The following MTM1 variants were observed in gnomAD, a reference collection of about 807,000 sequenced individuals.
The protein encoded by MTM1 is myotubularin.
In MTM1, 9 loss-of-function variants were observed where a neutral mutation model predicts 52.1. That is an observed-to-expected ratio of 0.17 (90% CI 0.10 to 0.30). MTM1 has a LOEUF of 0.30. Among genes scored for constraint, MTM1 ranks in the 10% least tolerant of loss-of-function variants. The probability of loss-of-function intolerance (pLI) is 1.00; values close to 1 mark genes in which losing one functional copy is unlikely to be tolerated. For synonymous variants in MTM1, 136 were observed against 163.8 expected (o/e 0.83, Z 1.29); for missense variants, 277 against 470.7 (o/e 0.59, Z 3.81).
At chrX:150,654,272 A>T (rs1307612803) in intron 10 of MTM1, among the ~76,000 whole-genome samples, 1 of 111,608 alleles carries the variant, frequency 9.0e-6, no homozygotes, top group Non-Finnish European at 1.9e-5. Context: ...TCCTTTTTAT[A>T]TTATAAGTGA....
intron 1 of MTM1, among the ~76,000 whole-genome samples, chrX:150,583,493 T>G (rs1177494700): frequency 3.3e-5 from 1 of 30,641 alleles, no homozygotes; most frequent in East Asian, 1.4e-3. Flanking sequence ...ATATTATATA[T>G]AAATTATAAA....
rs1427177129 is a variant in MTM1, at chrX:150,583,180, AAT to A, written c.-10-9417_-10-9416del. Among the ~76,000 whole-genome samples the A allele has an allele frequency of 2.4e-4, 18 of 75,109 alleles. No homozygotes were observed. The South Asian group carries it at 5.7e-3, about 24-fold the overall frequency. The allele number at this position is 75,109 out of a possible 115,157, so 65.2% of individuals were successfully genotyped here. ...AATTATATATATTATATAAATTATAAATATATATAAATTATATATAAATTATA... is the reference window on the plus strand; with the variant it reads ...AATTATATATATTATATAAATTATAAATATATAAATTATATATAAATTATA... On this transcript the variant is annotated intron_variant, in intron 1 of 14. Transcript: ENST00000370396.
chrX:150,645,178 C>T (rs1248347307), intron 8 of MTM1, among the ~76,000 whole-genome samples: 1 of 111,456 alleles, frequency 9.0e-6, no homozygotes, highest in African/African-American at 3.3e-5. Flanking sequence ...GCTCTTTGGG[C>T]TGTCCTGAGA....
intron 12 of MTM1, 115 bp from the exon 13 acceptor site, chrX:150,660,256 T>C: frequency 2.0e-6 from 1 of 510,792 alleles, no homozygotes; most frequent in South Asian, 2.7e-5. Flanking sequence ...GCCTCTGCTG[T>C]CCTTCCTAGA....
At chrX:150,576,900 T>C (rs1343316866) in intron 1 of MTM1, among the ~76,000 whole-genome samples, 2 of 112,455 alleles carry the variant, frequency 1.8e-5, no homozygotes, top group Admixed American at 1.9e-4. Flanking sequence ...TGATATTTTC[T>C]ATTATGATTA....
chrX:150,589,998 A>G (rs1390354335), intron 1 of MTM1, among the ~76,000 whole-genome samples: 3 of 111,802 alleles, frequency 2.7e-5, no homozygotes, highest in Admixed American at 1.9e-4. Context: ...GTATTAATTC[A>G]TTTGTTTCAC....
chrX:150,632,099 A>G (rs930635136), intron 6 of MTM1, among the ~76,000 whole-genome samples: 6 of 111,916 alleles, frequency 5.4e-5, no homozygotes, highest in African/African-American at 2.0e-4. Flanking sequence ...TCAGGGATCT[A>G]GAGCTGATAC....
intron 4 of MTM1, among the ~76,000 whole-genome samples, chrX:150,600,469 A>G (rs1377210275): frequency 1.8e-5 from 2 of 112,092 alleles, no homozygotes; most frequent in Admixed American, 9.5e-5. Flanking sequence ...ATTGCCAGAC[A>G]AAATGTAACA....
At chrX:150,580,002 T>C (rs894192329) in intron 1 of MTM1, among the ~76,000 whole-genome samples, 1 of 111,480 alleles carries the variant, frequency 9.0e-6, no homozygotes, top group Non-Finnish European at 1.9e-5. Flanking sequence ...CAATATGTTA[T>C]GTGTTTTGAA....
intron 6 of MTM1, among the ~76,000 whole-genome samples, chrX:150,630,607 T>A (rs1437011108): frequency 8.9e-6 from 1 of 112,263 alleles, no homozygotes; most frequent in African/African-American, 3.2e-5. Context: ...TTGGTCTTTT[T>A]CTTGTTAGTT....
intron 13 of MTM1, 26 bp downstream of exon 13, chrX:150,660,510 A>G: frequency 1.0e-6 from 1 of 982,449 alleles, no homozygotes; most frequent in South Asian, 1.9e-5. Flanking sequence ...ATTTTTTTTG[A>G]TACATTAGGC....
chrX:150,648,816 C>T (rs1431499166), intron 9 of MTM1, among the ~76,000 whole-genome samples: 1 of 112,751 alleles, frequency 8.9e-6, no homozygotes, highest in Non-Finnish European at 1.9e-5. Context: ...TCACTATGTG[C>T]AGTGCTCTCT....
chrX:150,666,104 A>G (rs1010249639), intron 14 of MTM1, among the ~76,000 whole-genome samples: 5 of 112,532 alleles, frequency 4.4e-5, no homozygotes, highest in Non-Finnish European at 9.4e-5. Context: ...GAAGCCTACA[A>G]TACTTCCATA....
At position 150,647,194 on chromosome X, in the gene MTM1, AATATAT is replaced by A. The variant is rs59931479; in HGVS notation, c.867+1345_867+1350del. Among the ~76,000 whole-genome samples the A allele has an allele frequency of 4.1e-3, 342 of 83,841 alleles. 7 individuals are homozygous for A. The highest frequency in any genetic ancestry group is 0.018 in the African/African-American group (312 of 17,542). The allele number at this position is 83,841 out of a possible 115,157, so 72.8% of individuals were successfully genotyped here. A position where few individuals can be genotyped will look rare whatever the true frequency, so the allele number is the denominator to read the frequency against. On this transcript the variant is annotated intron_variant, in intron 9 of 14. Coordinates refer to ENST00000370396, the MANE Select transcript of MTM1 (RefSeq NM_000252.3). ...TATCTTTCATATATATTTCAGGGTGAATATATATATATATATATATATATATAGCAA... is the reference window on the plus strand; with the variant it reads ...TATCTTTCATATATATTTCAGGGTGAATATATATATATATATATATAGCAA...
intron 1 of MTM1, among the ~76,000 whole-genome samples, chrX:150,571,149 G>T (rs902751106): frequency 8.0e-5 from 9 of 111,829 alleles, no homozygotes; most frequent in Non-Finnish European, 1.3e-4. Context: ...GGTAACCAGA[G>T]GATTTCAAAG....
intron 13 of MTM1, among the ~76,000 whole-genome samples, chrX:150,663,227 C>A (rs1232917567): frequency 8.9e-6 from 1 of 112,249 alleles, no homozygotes; most frequent in Non-Finnish European, 1.9e-5. Flanking sequence ...TAGTGGCTCT[C>A]AAGCTAGGCC....
intron 1 of MTM1, among the ~76,000 whole-genome samples, chrX:150,573,874 C>T (rs1262801897): frequency 8.9e-6 from 1 of 112,147 alleles, no homozygotes; most frequent in African/African-American, 3.2e-5. Context: ...ATGAAATATA[C>T]CTGCGTGTCA....
chrX:150,571,508 C>A (rs1557411460), intron 1 of MTM1, among the ~76,000 whole-genome samples: 1 of 112,236 alleles, frequency 8.9e-6, no homozygotes, highest in Non-Finnish European at 1.9e-5. Context: ...GCTGGAGGGA[C>A]TGAGTGAATA....
rs2040405179 is a variant in MTM1, at chrX:150,672,079, A to G, written c.*484A>G. 1 of 122,940 alleles carries G rather than the reference A, an allele frequency of 8.1e-6. No homozygotes were observed. Among genetic ancestry groups the G allele is most frequent in the African/African-American group, 3.3e-5 (1 of 30,713 alleles). The allele number at this position is 122,940 out of a possible 1,213,427, so 10.1% of individuals were successfully genotyped here. A position where few individuals can be genotyped will look rare whatever the true frequency, so the allele number is the denominator to read the frequency against. On this transcript the variant is annotated 3_prime_UTR_variant, in exon 15 of 15. Transcript: ENST00000370396. ...GAGCTCAGCTTCCTAGGCATTACCC[A>G]AAAGCAAGGTGTTTAAGTAATTGCC...
Sources: allele counts gnomAD v4.1 joint callset (sites outside exome capture counted in the v4.1 genomes callset), GRCh38; gene constraint gnomAD v4.1.1; transcripts MANE v1.5; gene names NCBI Gene and HGNC (gene_info 2026-07-23, HGNC 2026-07-21).